MYO10: variants seen among roughly 807,000 people sequenced by gnomAD.
The protein encoded by MYO10 is myosin X.
In MYO10, 133 loss-of-function variants were observed where a neutral mutation model predicts 257.3. The observed-to-expected ratio is 0.52, with a 90% CI of 0.45 to 0.60. The LOEUF (loss-of-function observed/expected upper bound fraction) is 0.60, where lower values mean the gene tolerates loss of function less well. Ranked by LOEUF, MYO10 falls within the 20% of genes least tolerant of loss-of-function variation. The pLI is 0.00. For missense variants in MYO10, 2,399 were observed against 2,635.7 expected (o/e 0.91, Z 1.97); for synonymous variants, 1,104 against 1,028.6 (o/e 1.07, Z -1.40).
chr5:16,761,042 C>T (rs748719149), intron 17 of MYO10, among the ~76,000 whole-genome samples: 2 of 151,930 alleles, frequency 1.3e-5, no homozygotes, highest in Admixed American at 1.3e-4. Flanking sequence ...CCAGGCTGGA[C>T]TGCAATGGCG....
At chr5:16,928,534 G>C (rs1285887615) in intron 1 of MYO10, among the ~76,000 whole-genome samples, 2 of 151,862 alleles carry the variant, frequency 1.3e-5, no homozygotes, top group Admixed American at 6.6e-5. Flanking sequence ...ATGAAGTTGG[G>C]ACAACCAGCT....
chr5:16,855,282 A>G (rs1476553644), intron 2 of MYO10, among the ~76,000 whole-genome samples: 1 of 152,182 alleles, frequency 6.6e-6, no homozygotes, highest in African/African-American at 2.4e-5. Flanking sequence ...TATTTACTTC[A>G]TCTTAACCAT....
At chr5:16,750,880 A>G (rs1740359673) in intron 19 of MYO10, among the ~76,000 whole-genome samples, 1 of 152,090 alleles carries the variant, frequency 6.6e-6, no homozygotes, top group South Asian at 2.1e-4. Context: ...CTGTAATCCC[A>G]GCTACTCAGG....
At chr5:16,686,454 C>T (rs1405797403) in intron 28 of MYO10, among the ~76,000 whole-genome samples, 2 of 152,052 alleles carry the variant, frequency 1.3e-5, no homozygotes, top group African/African-American at 2.4e-5. Flanking sequence ...CCAAAATCTG[C>T]ACCACTTCCA....
chr5:16,892,785 C>G (rs1363108612), intron 1 of MYO10, among the ~76,000 whole-genome samples: 5 of 152,194 alleles, frequency 3.3e-5, no homozygotes, highest in African/African-American at 1.2e-4. Flanking sequence ...TAACTCTCCT[C>G]TCAAGGCCTT....
chr5:16,929,095 G>A (rs1208386341), intron 1 of MYO10, among the ~76,000 whole-genome samples: 3 of 151,550 alleles, frequency 2.0e-5, no homozygotes, highest in Non-Finnish European at 4.4e-5. Context: ...TGGGACTACA[G>A]GTGCCCGCCA....
Position 16,703,863 on chromosome 5 carries a change from C to A in MYO10, c.2277-705G>T, listed in dbSNP as rs187982103. Among the ~76,000 whole-genome samples, 162 of 122,674 alleles carry A rather than the reference C, an allele frequency of 1.3e-3. 1 individual carries two copies. The highest frequency in any genetic ancestry group is 3.5e-3 in the Admixed American group (32 of 9,096). The allele number at this position is 122,674 out of a possible 152,430, so 80.5% of individuals were successfully genotyped here. A position where few individuals can be genotyped will look rare whatever the true frequency, so the allele number is the denominator to read the frequency against. On this transcript the variant is annotated intron_variant, in intron 22 of 40. Transcript: ENST00000513610. ...CACCATTGCACTCCAGCCAGACGAG[C>A]GAGCGAGACTCTGTCTCAAAAAAAA...
At chr5:16,815,115 GCTCAGGAGTTTGAGTCTAGC>G (rs1742563874) in intron 3 of MYO10, 1 of 217,502 alleles carries the variant, frequency 4.6e-6, no homozygotes, top group Non-Finnish European at 9.0e-6. Context: ...GATCACTTTA[GCTCAGGAGTTTGAGTCTAGC>G]CTGGGCAACA....
At chr5:16,884,788 CA>C (rs1290755307) in intron 1 of MYO10, among the ~76,000 whole-genome samples, 1 of 151,450 alleles carries the variant, frequency 6.6e-6, no homozygotes, top group East Asian at 1.9e-4. Context: ...AGTTGTAATA[CA>C]AGTTTCTCCA....
chr5:16,812,932 T>TAA (rs35233545), intron 3 of MYO10, among the ~76,000 whole-genome samples: 1 of 151,674 alleles, frequency 6.6e-6, no homozygotes, highest in Non-Finnish European at 1.5e-5. Context: ...TTTTATTTTT[T>TAA]TTTTTTTTTT....
At position 16,701,706 on chromosome 5, in the gene MYO10, T is replaced by C; in HGVS notation, c.2689A>G (p.Ile897Val). The C allele has an allele frequency of 1.2e-6, 2 of 1,614,006 alleles. No individual in the cohort carries two copies. The highest frequency in any genetic ancestry group is 1.7e-6 in the Non-Finnish European group (2 of 1,179,888). The change falls in exon 25 of 41, where the codon ATC (isoleucine) becomes GTC (valine). Residue 897 changes from isoleucine (I) to valine (V), a missense_variant. Physicochemically the swap from Ile to Val is conservative, Grantham distance 29. Transcript: ENST00000513610. The surrounding 1 kb of genome is among the most constrained non-coding windows in gnomAD (Gnocchi z 8.1). ...VEEILRLEKE[I>V]EDLQRMKEQQ... is the part of the protein sequence containing the mutation. ...TCCTTCATGCGCTGCAGGTCCTCGA[T>C]TTCTTTCTCCAGACGGAGGATCTCT...
rs147101231 is a variant in MYO10, at chr5:16,783,202, T to C, written c.602+133A>G. 481 of 944,570 alleles carry C rather than the reference T, an allele frequency of 5.1e-4. 9 individuals carry two copies. The East Asian group carries it at 8.1e-3, about 16-fold the overall frequency. 58.5% of individuals were successfully genotyped at this position (944,570 alleles called of 1,614,324 possible). A position where few individuals can be genotyped will look rare whatever the true frequency, so the allele number is the denominator to read the frequency against. On this transcript the variant is annotated intron_variant, in intron 5 of 40. Transcript: ENST00000513610. ...TATTACTATGTGCATGGCAAGACCT[T>C]TTCTTAAGGAATTGTAAAAGAGAAG...
chr5:16,823,534 C>T (rs1254525649), intron 2 of MYO10, among the ~76,000 whole-genome samples: 1 of 122,216 alleles, frequency 8.2e-6, no homozygotes, highest in South Asian at 3.1e-4. Context: ...TGCAGTGGCA[C>T]AATCTCGGCT....
At chr5:16,876,211 T>C (rs970440649) in intron 2 of MYO10, among the ~76,000 whole-genome samples, 12 of 152,232 alleles carry the variant, frequency 7.9e-5, no homozygotes, top group African/African-American at 2.9e-4. Context: ...AATTTTAATA[T>C]GTACCTCTGA....
chr5:16,877,023 G>GT (rs1204667590), intron 2 of MYO10, among the ~76,000 whole-genome samples: 1 of 152,118 alleles, frequency 6.6e-6, no homozygotes, highest in Non-Finnish European at 1.5e-5. Context: ...CTTCTACAAT[G>GT]TGAGGCCCAG....
intron 3 of MYO10, among the ~76,000 whole-genome samples, chr5:16,801,352 C>T (rs1012472301): frequency 5.9e-5 from 9 of 152,214 alleles, no homozygotes; most frequent in Non-Finnish European, 1.2e-4. Context: ...GGATTACAGG[C>T]GCCCACAACC....
intron 2 of MYO10, among the ~76,000 whole-genome samples, chr5:16,842,110 A>G (rs1448983303): frequency 1.3e-5 from 2 of 152,150 alleles, no homozygotes; most frequent in African/African-American, 4.8e-5. Flanking sequence ...CTTTAAAAAG[A>G]AGCATCTTAT....
At chr5:16,841,419 T>C (rs1165250373) in intron 2 of MYO10, among the ~76,000 whole-genome samples, 1 of 152,154 alleles carries the variant, frequency 6.6e-6, no homozygotes, top group Non-Finnish European at 1.5e-5. Flanking sequence ...GAAACTCCAA[T>C]AGTCAGAAGG....
intron 2 of MYO10, among the ~76,000 whole-genome samples, chr5:16,822,959 T>C (rs1208427343): frequency 6.6e-6 from 1 of 151,088 alleles, no homozygotes; most frequent in Non-Finnish European, 1.5e-5. Context: ...AGTGCTGGGA[T>C]TACAGGCGTG....
Sources: allele counts gnomAD v4.1 joint callset (sites outside exome capture counted in the v4.1 genomes callset), GRCh38; gene constraint gnomAD v4.1.1; non-coding constraint Gnocchi (gnomAD v3.1); transcripts MANE v1.5; gene names NCBI Gene and HGNC (gene_info 2026-07-23, HGNC 2026-07-21).